ADAP1: variants seen among roughly 807,000 people sequenced by gnomAD.
The protein encoded by ADAP1 is arf-GAP with dual PH domain-containing protein 1.
A neutral mutation model predicts 54.9 loss-of-function variants in ADAP1; 31 were observed. The observed-to-expected ratio is 0.56, with a 90% CI of 0.42 to 0.76. The LOEUF (loss-of-function observed/expected upper bound fraction) is 0.76, where lower values mean the gene tolerates loss of function less well. ADAP1 is among the 30% of genes least tolerant of loss of function. ADAP1 has a pLI of 0.00. For synonymous variants in ADAP1, 313 were observed against 202.6 expected, an observed-to-expected ratio of 1.55 and a Z score of -4.63; for missense variants, 535 against 512.4, an observed-to-expected ratio of 1.04 and a Z score of -0.42.
chr7:931,693 C>A (rs576385480), intron 2 of ADAP1, among the ~76,000 whole-genome samples: 1 of 149,254 alleles, frequency 6.7e-6, no homozygotes, highest in Non-Finnish European at 1.5e-5. Context: ...GCCCTTTACA[C>A]GGTGAAATGT....
intron 4 of ADAP1, among the ~76,000 whole-genome samples, chr7:912,474 C>T (rs1447496974): frequency 6.6e-6 from 1 of 152,096 alleles, no homozygotes; most frequent in Non-Finnish European, 1.5e-5. Flanking sequence ...TGACCTTGGC[C>T]CAGGGAGGCG....
intron 4 of ADAP1, chr7:905,710 A>AAAGGG (rs1562912685): frequency 3.5e-5 from 1 of 28,540 alleles, no homozygotes; most frequent in African/African-American, 3.0e-4. Flanking sequence ...AGGAGAAAGG[A>AAAGGG]GAAAGGAGAA....
intron 2 of ADAP1, 162 bp downstream of exon 2, chr7:935,213 G>T (rs1016780223): frequency 3.0e-6 from 3 of 997,930 alleles, no homozygotes; most frequent in African/African-American, 3.2e-5. Context: ...AGGCGGAGCC[G>T]CTGGAGAGGG....
Position 954,455 on chromosome 7 carries a change from G to A in ADAP1, c.23C>T (p.Ala8Val). The part of the protein sequence containing the change: MAKERRR[A>V]VLELLQRPGN... Reference sequence around the variant, plus strand: ...CGGCCGCTGCAGCAGCTCCAGGACCGCCCTGCGCCGCTCCTTGGCCATGGC... The same window carrying A: ...CGGCCGCTGCAGCAGCTCCAGGACCACCCTGCGCCGCTCCTTGGCCATGGC... Residue 8 changes from alanine to valine, a missense_variant, in exon 1 of 11, where the codon GCG (alanine) becomes GTG (valine). Physicochemically the swap from Ala to Val is moderately conservative, Grantham distance 64 (BLOSUM62 0). Transcript: ENST00000265846. 1.9e-6 allele frequency: 2 copies of A among 1,069,216 alleles called. No individual in the cohort carries two copies. The highest frequency in any genetic ancestry group is 2.9e-5 in the South Asian group (1 of 34,622). The allele number at this position is 1,069,216 out of a possible 1,614,324, so 66.2% of individuals were successfully genotyped here.
chr7:940,413 G>A (rs1390771343), intron 1 of ADAP1, among the ~76,000 whole-genome samples: 3 of 151,730 alleles, frequency 2.0e-5, no homozygotes, highest in East Asian at 1.9e-4. Context: ...ATCAAAAGAC[G>A]AGAGCCAGTT....
In ADAP1 at chr7:898,931, T is replaced by C. The variant is rs1238846963; in HGVS notation, c.1115A>G (p.His372Arg). Residue 372 changes from histidine to arginine, a missense_variant, in exon 11 of 11, where the codon CAT becomes CGT. Physicochemically the swap from His to Arg is conservative, Grantham distance 29. Coordinates refer to ENST00000265846, the MANE Select transcript of ADAP1 (RefSeq NM_006869.4). The stretch of plus-strand genomic sequence containing the variant: ...CTCCAGCCGCACTCGCTAAGGTTTA[T>C]GCTTGAAGTGCGCCTCCACTGCAAC... Reference protein sequence around the residue: ...QEYAVEAHFKHKP With the variant: ...QEYAVEAHFKRKP 1 of 1,608,458 alleles carries C rather than the reference T, an allele frequency of 6.2e-7. No homozygotes were observed. The highest frequency in any genetic ancestry group is 8.5e-7 in the Non-Finnish European group (1 of 1,177,962).
Position 898,373 on chromosome 7 carries a change from C to T in ADAP1, c.*548G>A, listed in dbSNP as rs911721811. On this transcript the variant is annotated 3_prime_UTR_variant, in exon 11 of 11. Coordinates refer to ENST00000265846, the MANE Select transcript of ADAP1 (RefSeq NM_006869.4). ...AGCACAGGCTGTGGCAACTCCAGCC[C>T]GGGCAGGGGCCGGGACCTGTGTGGA... 9 of 174,722 alleles carry T rather than the reference C, an allele frequency of 5.2e-5. No homozygotes were observed. Among genetic ancestry groups the T allele is most frequent in the Admixed American group, 1.1e-4 (2 of 18,472 alleles). The allele number at this position is 174,722 out of a possible 1,614,324, so 10.8% of individuals were successfully genotyped here. A position where few individuals can be genotyped will look rare whatever the true frequency, so the allele number is the denominator to read the frequency against.
At chr7:925,410 G>C (rs1846348070) in intron 3 of ADAP1, among the ~76,000 whole-genome samples, 1 of 146,434 alleles carries the variant, frequency 6.8e-6, no homozygotes, top group African/African-American at 2.5e-5. Context: ...TAGGGTTGCA[G>C]CCGGGAAGTC....
At chr7:916,528 G>T (rs138062857) in intron 4 of ADAP1, among the ~76,000 whole-genome samples, 4 of 152,182 alleles carry the variant, frequency 2.6e-5, no homozygotes, top group Admixed American at 2.6e-4. Context: ...TGTTTCTGCC[G>T]AGGGAAACGG....
intron 1 of ADAP1, among the ~76,000 whole-genome samples, chr7:949,116 C>A (rs577421738): frequency 1.3e-5 from 2 of 152,250 alleles, no homozygotes; most frequent in Admixed American, 6.5e-5. Context: ...TGGTCTGGTC[C>A]GGTCTCCCTG....
intron 4 of ADAP1, among the ~76,000 whole-genome samples, chr7:916,565 G>A (rs1183490084): frequency 1.3e-5 from 2 of 152,172 alleles, no homozygotes; most frequent in African/African-American, 4.8e-5. Flanking sequence ...TTCTTTGGGG[G>A]TTTAAGGCAG....
chr7:933,416 C>G (rs1005782818), intron 2 of ADAP1, among the ~76,000 whole-genome samples: 13 of 152,196 alleles, frequency 8.5e-5, no homozygotes, highest in Admixed American at 2.0e-4. Flanking sequence ...GTGACCCATG[C>G]ACCAAGGCTG....
Position 946,710 on chromosome 7 carries a change from C to G in ADAP1, c.82+7686G>C, listed in dbSNP as rs1847149651. ...GCGCCCCTCCAGGCTCTTCAGGGCC[C>G]TCGCACAGGGCCGACTCCTCTGCGG... On this transcript the variant is annotated intron_variant, in intron 1 of 10. Transcript: ENST00000265846. This position sits in a 1 kb window ranked among gnomAD's most constrained non-coding sequence, Gnocchi z 4.3. Among the ~76,000 whole-genome samples, 3 of 152,384 alleles carry G rather than the reference C, an allele frequency of 2.0e-5. No homozygotes were observed. In the South Asian group the frequency reaches 6.2e-4, roughly 32 times the overall value.
chr7:947,791 A>G (rs1307416888), intron 1 of ADAP1, among the ~76,000 whole-genome samples: 3 of 150,996 alleles, frequency 2.0e-5, no homozygotes, highest in Non-Finnish European at 4.4e-5. Context: ...GGGCTGGGAC[A>G]CTCCTCGGCT....
At chr7:903,502 A>G (rs1178581133) in intron 6 of ADAP1, among the ~76,000 whole-genome samples, 1 of 152,190 alleles carries the variant, frequency 6.6e-6, no homozygotes, top group Non-Finnish European at 1.5e-5. Context: ...CCGTGTGCAC[A>G]CAGACGTGTG....
At chr7:930,815 T>TAAA (rs55747872) in intron 2 of ADAP1, among the ~76,000 whole-genome samples, 3 of 144,182 alleles carry the variant, frequency 2.1e-5, no homozygotes, top group Non-Finnish European at 3.0e-5. Context: ...AGACTGTCTC[T>TAAA]AAAAAAAAAA....
At chr7:906,521 G>A (rs1295313921) in intron 4 of ADAP1, among the ~76,000 whole-genome samples, 1 of 61,738 alleles carries the variant, frequency 1.6e-5, no homozygotes, top group Non-Finnish European at 3.4e-5. Context: ...GGAGAAAGGA[G>A]AAAGGGAAAG....
At chr7:949,688 G>A (rs937436990) in intron 1 of ADAP1, among the ~76,000 whole-genome samples, 7 of 152,158 alleles carry the variant, frequency 4.6e-5, no homozygotes, top group African/African-American at 1.4e-4. Context: ...GCTGAAGTTG[G>A]GGGGAGCCTG....
chr7:904,222 G>C lies in ADAP1; in HGVS notation c.552C>G (p.Phe184Leu). The C allele has an allele frequency of 6.2e-7, 1 of 1,610,916 alleles. No homozygotes were observed. The highest frequency in any genetic ancestry group is 8.5e-7 in the Non-Finnish European group (1 of 1,178,914). Reference protein sequence around the residue: ...VMKIEHLNATFQPAKIGHPHG... With the variant: ...VMKIEHLNATLQPAKIGHPHG... ...GGGGGTGGCCGATCTTGGCCGGCTGGAAGGTGGCGTTCAGGTGCTCGATCT... is the reference window on the plus strand; with the variant it reads ...GGGGGTGGCCGATCTTGGCCGGCTGCAAGGTGGCGTTCAGGTGCTCGATCT... Residue 184 changes from phenylalanine to leucine, a missense_variant, in exon 6 of 11, where the codon TTC becomes TTG. Physicochemically the swap from Phe to Leu is conservative, Grantham distance 22 (BLOSUM62 0). Transcript: ENST00000265846.
Sources: gnomAD v4.1 joint callset for allele counts (sites outside exome capture counted in the v4.1 genomes callset) on GRCh38, gnomAD v4.1.1 for gene constraint, Gnocchi (gnomAD v3.1) non-coding constraint, MANE v1.5 for transcripts, NCBI Gene and HGNC (gene_info 2026-07-23, HGNC 2026-07-21) for gene names.